RXFP1: variants seen among roughly 807,000 people sequenced by gnomAD.
The protein encoded by RXFP1 is relaxin family peptide receptor 1, also known as relaxin receptor 1.
Under a neutral mutation model 89.8 loss-of-function variants are expected in RXFP1, and 73 were observed. The observed-to-expected ratio is 0.81, with a 90% CI of 0.67 to 0.99. RXFP1 has a LOEUF of 0.99. Ranked by LOEUF, RXFP1 falls within the 50% of genes least tolerant of loss-of-function variation. The pLI, the probability that RXFP1 is intolerant of heterozygous loss-of-function variation, is 0.00. For missense variants in RXFP1, 793 were observed against 895.5 expected (o/e 0.89, Z 1.46); for synonymous variants, 277 against 305.5 (o/e 0.91, Z 0.97).
intron 3 of RXFP1, among the ~76,000 whole-genome samples, chr4:158,598,402 C>T (rs754526343): frequency 3.9e-5 from 6 of 152,054 alleles, no homozygotes; most frequent in Non-Finnish European, 8.8e-5. Context: ...ATTGCCTGAC[C>T]GCTGGAGACA....
intron 6 of RXFP1, among the ~76,000 whole-genome samples, chr4:158,611,846 G>C (rs1763640870): frequency 6.6e-6 from 1 of 152,196 alleles, no homozygotes; most frequent in Non-Finnish European, 1.5e-5. Context: ...GCCCCTTAAA[G>C]AAAGGGATGG....
intron 9 of RXFP1, among the ~76,000 whole-genome samples, chr4:158,626,148 A>T (rs57327548): frequency 0.019 from 2,889 of 149,666 alleles, 76 homozygotes; most frequent in African/African-American, 0.051. Flanking sequence ...AGATAGATAG[A>T]TAGATAGATA....
At chr4:158,528,987 A>T (rs1743297430) in intron 1 of RXFP1, among the ~76,000 whole-genome samples, 1 of 152,196 alleles carries the variant, frequency 6.6e-6, no homozygotes, top group African/African-American at 2.4e-5. Flanking sequence ...GGTCGTAGGG[A>T]GTCGAATATC....
chr4:158,543,754 A>G (rs1747451921), intron 1 of RXFP1: 16 of 984,654 alleles, frequency 1.6e-5, no homozygotes, highest in Non-Finnish European at 1.8e-5. Context: ...AAACTTTTTT[A>G]TTAACACTCC....
At chr4:158,568,523 T>C (rs1384092605) in intron 1 of RXFP1, among the ~76,000 whole-genome samples, 1 of 152,210 alleles carries the variant, frequency 6.6e-6, no homozygotes, top group Non-Finnish European at 1.5e-5. Flanking sequence ...TTAATAAAGA[T>C]ATAAAAAGTT....
At chr4:158,580,765 C>A (rs765357850) in intron 2 of RXFP1, among the ~76,000 whole-genome samples, 1 of 152,090 alleles carries the variant, frequency 6.6e-6, no homozygotes, top group Non-Finnish European at 1.5e-5. Context: ...GAAAAGACAT[C>A]TTATGTTCTA....
At chr4:158,571,856 C>G (rs756840271) in intron 1 of RXFP1, among the ~76,000 whole-genome samples, 5 of 152,156 alleles carry the variant, frequency 3.3e-5, no homozygotes, top group Non-Finnish European at 7.3e-5. Context: ...CAGATACATT[C>G]AATGTGGCGA....
At chr4:158,541,903 G>A (rs1293477589) in intron 1 of RXFP1, among the ~76,000 whole-genome samples, 1 of 150,960 alleles carries the variant, frequency 6.6e-6, no homozygotes, top group Admixed American at 6.6e-5. Context: ...GTGGCCGGGA[G>A]GAATGATGCT....
Position 158,631,550 on chromosome 4 carries a change from G to A in RXFP1, c.900-1855G>A, listed in dbSNP as rs567715571. 2.0e-5 allele frequency among the ~76,000 whole-genome samples: 3 copies of A among 152,272 alleles called. No homozygotes were observed. The East Asian group carries it at 5.8e-4, about 29-fold the overall frequency. Reference sequence around the variant, plus strand: ...ATGTGTTATATGTGCTATACTAGAAGTGTGCAAGAGGAATGCATAGGAGAA... The same window carrying A: ...ATGTGTTATATGTGCTATACTAGAAATGTGCAAGAGGAATGCATAGGAGAA... On this transcript the variant is annotated intron_variant, in intron 11 of 17. Coordinates refer to ENST00000307765, the MANE Select transcript of RXFP1 (RefSeq NM_021634.4).
intron 1 of RXFP1, among the ~76,000 whole-genome samples, chr4:158,535,273 A>G (rs2149807315): frequency 6.6e-6 from 1 of 152,330 alleles, no homozygotes; most frequent in East Asian, 1.9e-4. Context: ...GAGGATCACC[A>G]GAACCAGATC....
chr4:158,529,365 C>T (rs575342671), intron 1 of RXFP1, among the ~76,000 whole-genome samples: 220 of 150,788 alleles, frequency 1.5e-3, no homozygotes, highest in African/African-American at 5.3e-3. Context: ...CTCAAGTGAT[C>T]CTCCCACCTC....
intron 1 of RXFP1, among the ~76,000 whole-genome samples, chr4:158,548,477 G>A (rs1362564869): frequency 6.6e-6 from 1 of 152,112 alleles, no homozygotes; most frequent in Non-Finnish European, 1.5e-5. Flanking sequence ...TTATGTGTGT[G>A]TTTGGTCCTG....
intron 4 of RXFP1, among the ~76,000 whole-genome samples, chr4:158,600,756 G>C: frequency 6.6e-6 from 1 of 151,974 alleles, no homozygotes; most frequent in African/African-American, 2.4e-5. Context: ...GAGCCTGGGA[G>C]GTCAAGGCTG....
intron 2 of RXFP1, among the ~76,000 whole-genome samples, chr4:158,591,714 A>C (rs1759516978): frequency 6.6e-6 from 1 of 152,144 alleles, no homozygotes; most frequent in African/African-American, 2.4e-5. Flanking sequence ...GCACCACTGC[A>C]TTCCAGCCTC....
intron 1 of RXFP1, among the ~76,000 whole-genome samples, chr4:158,533,482 C>T (rs979138878): frequency 2.1e-4 from 32 of 152,082 alleles, no homozygotes; most frequent in African/African-American, 7.5e-4. Context: ...TTTTTATTTG[C>T]AAATCATATC....
At chr4:158,599,993 A>G (rs1362885977) in intron 4 of RXFP1, among the ~76,000 whole-genome samples, 1 of 152,238 alleles carries the variant, frequency 6.6e-6, no homozygotes, top group Non-Finnish European at 1.5e-5. Flanking sequence ...AATTATCACC[A>G]TAAGTGGTTT....
intron 1 of RXFP1, among the ~76,000 whole-genome samples, chr4:158,568,694 C>T (rs999231855): frequency 3.3e-5 from 5 of 152,128 alleles, no homozygotes; most frequent in South Asian, 4.1e-4. Context: ...TAGCACAGCT[C>T]ATTATTATAT....
intron 8 of RXFP1, among the ~76,000 whole-genome samples, chr4:158,615,393 G>A (rs1764353137): frequency 6.6e-6 from 1 of 152,112 alleles, no homozygotes; most frequent in South Asian, 2.1e-4. Context: ...AAAATTAGCT[G>A]GGTGTGGTGG....
intron 9 of RXFP1, among the ~76,000 whole-genome samples, chr4:158,625,886 G>A (rs1766602258): frequency 6.6e-6 from 1 of 152,026 alleles, no homozygotes; most frequent in African/African-American, 2.4e-5. Context: ...ACTTTTGAAA[G>A]TCTATCCCTA....
Sources: allele counts gnomAD v4.1 joint callset (sites outside exome capture counted in the v4.1 genomes callset), GRCh38; gene constraint gnomAD v4.1.1; transcripts MANE v1.5; gene names NCBI Gene and HGNC (gene_info 2026-07-23, HGNC 2026-07-21).